The following MED16 variants were observed in gnomAD, a reference collection of about 807,000 sequenced individuals.
MED16 encodes mediator complex subunit 16, also known as mediator of RNA polymerase II transcription subunit 16.
MED16 carries 81 observed loss-of-function variants against 84.4 expected under a neutral mutation model. The observed-to-expected ratio is 0.96, with a 90% confidence interval of 0.80 to 1.15. MED16 has a LOEUF of 1.15. MED16 is among the 50% of genes most tolerant of loss of function. The pLI, the probability that MED16 is intolerant of heterozygous loss-of-function variation, is 0.00. For missense variants in MED16, 1,585 were observed against 1,245.9 expected, an observed-to-expected ratio of 1.27 and a Z score of -4.10; for synonymous variants, 897 against 552.2, an observed-to-expected ratio of 1.62 and a Z score of -8.76.
intron 13 of MED16, among the ~76,000 whole-genome samples, chr19:869,440 G>T (rs1324630166): frequency 1.3e-5 from 2 of 152,018 alleles, no homozygotes; most frequent in Non-Finnish European, 2.9e-5. Context: ...GGGTCTGGGT[G>T]GGGGTGGGCC....
rs540982672 is a variant in MED16 at position 868,857 on chromosome 19, C to T, written c.2399+6G>A. On this transcript the variant is annotated splice_donor_region_variant and intron_variant, in intron 14 of 15. Coordinates refer to ENST00000325464, the MANE Select transcript of MED16 (RefSeq NM_005481.3). ...CTGGGAGTCAGCGGTTCCGGGGGCCCCTCACCTGGTGCAGGCCTTGCATTC... is the reference window on the plus strand; with the variant it reads ...CTGGGAGTCAGCGGTTCCGGGGGCCTCTCACCTGGTGCAGGCCTTGCATTC... The T allele has an allele frequency of 6.5e-7, 1 of 1,546,976 alleles. No individual in the cohort carries two copies. Among genetic ancestry groups the T allele is most frequent in the South Asian group, 1.2e-5 (1 of 84,122 alleles).
Position 875,470 on chromosome 19 carries a change from C to T in MED16, c.1561-16G>A, listed in dbSNP as rs1362997724. The T allele has an allele frequency of 1.3e-6, 2 of 1,590,214 alleles. No individual in the cohort carries two copies. The highest frequency in any genetic ancestry group is 8.5e-7 in the Non-Finnish European group (1 of 1,175,280). On this transcript the variant is annotated splice_polypyrimidine_tract_variant and intron_variant, in intron 9 of 15. Coordinates refer to ENST00000325464, the MANE Select transcript of MED16 (RefSeq NM_005481.3). ...TGGAGAGGACCTGAGGGCAGGAAGC[C>T]AGGTCACCCCAAGGGGCCGGAGCAG...
chr19:874,226 G>A (rs2036174085), intron 10 of MED16, among the ~76,000 whole-genome samples: 2 of 152,066 alleles, frequency 1.3e-5, no homozygotes, highest in South Asian at 2.1e-4. Context: ...CCATTCTCCT[G>A]CCTCAGCCTC....
chr19:877,191 C>G lies in MED16; in HGVS notation c.1354-11G>C. On this transcript the variant is annotated splice_polypyrimidine_tract_variant and intron_variant, in intron 8 of 15. Transcript: ENST00000325464. ...GCGGAGCACGCTCAGCTGCCAGAGA[C>G]AGAGCCCAAGGAGAGCCCGGTGAGA... The G allele has an allele frequency of 1.9e-6, 3 of 1,602,630 alleles. No individual in the cohort carries two copies. Among genetic ancestry groups the G allele is most frequent in the Non-Finnish European group, 1.7e-6 (2 of 1,176,526 alleles).
At position 872,098 on chromosome 19, in the gene MED16, G is replaced by C; in HGVS notation, c.1926C>G (p.Gly642=). 1 of 1,606,830 alleles carries C rather than the reference G, an allele frequency of 6.2e-7. No individual in the cohort carries two copies. Among genetic ancestry groups the C allele is most frequent in the Non-Finnish European group, 8.5e-7 (1 of 1,176,642 alleles). Residue 642 remains glycine (G), a synonymous_variant, in exon 12 of 16, where the codon GGC becomes GGG. Coordinates refer to ENST00000325464, the MANE Select transcript of MED16 (RefSeq NM_005481.3). ...LPNQGSLLRP[G]HSFLRDGTSL... Reference sequence around the variant, plus strand: ...AGGTGCCGTCCCGCAGAAAGCTGTGGCCCGGCCTCAGCAGGGAACCCTGCC... The same window carrying C: ...AGGTGCCGTCCCGCAGAAAGCTGTGCCCCGGCCTCAGCAGGGAACCCTGCC...
At chr19:876,950 G>GCCCCCACCTGCCACAGGGC (rs768975720) in intron 9 of MED16, 24 bp downstream of exon 9, 3 of 1,511,720 alleles carry the variant, frequency 2.0e-6, no homozygotes, top group Admixed American at 3.7e-5. Flanking sequence ...CTGCCACGGG[G>GCCCCCACCTGCCACAGGGC]CCCCACCTGC....
intron 8 of MED16, among the ~76,000 whole-genome samples, chr19:879,724 C>G: frequency 6.6e-6 from 1 of 151,086 alleles, no homozygotes; most frequent in Non-Finnish European, 1.5e-5. Context: ...GTTGTCAATG[C>G]CCAGCAGCTC....
chr19:871,087 C>T lies in MED16; in HGVS notation c.2265G>A (p.Ala755=), dbSNP rs376802874. 3.6e-5 allele frequency: 55 copies of T among 1,547,928 alleles called. 1 individual carries two copies. Among genetic ancestry groups the T allele is most frequent in the African/African-American group, 8.2e-5 (6 of 73,112 alleles). The change falls in exon 13 of 16, where the codon GCG becomes GCA. Residue 755 remains alanine, a synonymous_variant. Transcript: ENST00000325464. ...KQPLRLQFGR[A]PTLPGSAATL... Reference sequence around the variant, plus strand: ...TGGCAGCACTGCCAGGCAGCGTGGGCGCCCGGCCAAACTGCAGACGAAGGG... The same window carrying T: ...TGGCAGCACTGCCAGGCAGCGTGGGTGCCCGGCCAAACTGCAGACGAAGGG...
intron 5 of MED16, among the ~76,000 whole-genome samples, chr19:885,455 G>T (rs114593583): frequency 1.5e-4 from 23 of 152,146 alleles, no homozygotes; most frequent in Admixed American, 7.2e-4. Context: ...GAGCACGTTG[G>T]GGGGGGTCCG....
At chr19:873,618 C>CCA (rs2036155518) in intron 10 of MED16, 36 bp from the exon 11 acceptor site, 2 of 1,608,486 alleles carry the variant, frequency 1.2e-6, no homozygotes, top group Non-Finnish European at 1.7e-6. Flanking sequence ...GCTCGGGCCT[C>CCA]TTGTACACAC....
At chr19:876,726 C>G (rs2036240339) in intron 9 of MED16, among the ~76,000 whole-genome samples, 1 of 152,114 alleles carries the variant, frequency 6.6e-6, no homozygotes, top group South Asian at 2.1e-4. Context: ...CTGCCACAAC[C>G]CCCACATCTG....
rs1476624247 is a variant in MED16, at chr19:891,036, C to T, written c.96G>A (p.Ser32=). Reference sequence around the variant, plus strand: ...AGGACCAGGCGCAGGCCAGGGGCACCGATGGGCAGTGGGTGCTCTTGGACC... The same window carrying T: ...AGGACCAGGCGCAGGCCAGGGGCACTGATGGGCAGTGGGTGCTCTTGGACC... ...EKWSKSTHCP[S]VPLACAWSCR... Residue 32 remains serine (S), a synonymous_variant, in exon 2 of 16, where the codon TCG becomes TCA. Coordinates refer to ENST00000325464, the MANE Select transcript of MED16 (RefSeq NM_005481.3). 6.2e-6 allele frequency: 10 copies of T among 1,613,966 alleles called. No homozygotes were observed. Among genetic ancestry groups the T allele is most frequent in the African/African-American group, 2.7e-5 (2 of 74,944 alleles).
At chr19:883,801 G>A (rs2036469931) in intron 6 of MED16, among the ~76,000 whole-genome samples, 1 of 152,122 alleles carries the variant, frequency 6.6e-6, no homozygotes, top group African/African-American at 2.4e-5. Context: ...GCAGGAGCCA[G>A]CGCAGCCCAA....
At chr19:870,415 C>T (rs2036018650) in intron 13 of MED16, among the ~76,000 whole-genome samples, 1 of 151,822 alleles carries the variant, frequency 6.6e-6, no homozygotes, top group Non-Finnish European at 1.5e-5. Flanking sequence ...ACAAAAAATA[C>T]CTAGGTGTGG....
intron 1 of MED16, chr19:892,319 A>C (rs532551977): frequency 2.2e-4 from 32 of 148,726 alleles, no homozygotes; most frequent in Non-Finnish European, 3.8e-4. Context: ...CCCACACTTC[A>C]TTTCACCCCT....
intron 14 of MED16, 27 bp downstream of exon 14, chr19:868,836 G>T: frequency 4.5e-6 from 7 of 1,542,332 alleles, no homozygotes; most frequent in Non-Finnish European, 6.1e-6. Flanking sequence ...ACATCTCTGG[G>T]AGTCAGCGGT....
rs1437272143 is a variant in MED16, at chr19:868,244, C to G, written c.2491G>C (p.Glu831Gln). Residue 831 changes from glutamate (E) to glutamine (Q), a missense_variant, in exon 16 of 16, where the codon GAA becomes CAA. Physicochemically the swap from Glu to Gln is conservative, Grantham distance 29. Transcript: ENST00000325464. Reference sequence around the variant, plus strand: ...ACGCAGGCGTCCGGCCCACGGCCTTCAACAGCCCTGCAGGGCGGGCTGAGG... The same window carrying G: ...ACGCAGGCGTCCGGCCCACGGCCTTGAACAGCCCTGCAGGGCGGGCTGAGG... ...QRWIKNCLAVEGRGPDACVTS... is the reference protein window; with the variant it reads ...QRWIKNCLAVQGRGPDACVTS... 6.3e-7 allele frequency: 1 copy of G among 1,595,604 alleles called. No homozygotes were observed. Among genetic ancestry groups the G allele is most frequent in the Admixed American group, 1.8e-5 (1 of 56,740 alleles).
At position 868,953 on chromosome 19, in the gene MED16, G is replaced by A; in HGVS notation, c.2316-7C>T. 2.0e-6 allele frequency: 3 copies of A among 1,533,744 alleles called. No individual in the cohort carries two copies. The highest frequency in any genetic ancestry group is 2.6e-6 in the Non-Finnish European group (3 of 1,147,482). ...CTTGGGCTGGCCTGGGGCCCTGGCG[G>A]GAGAGGGGAGAACGTGAGGGAGGCC... On this transcript the variant is annotated splice_polypyrimidine_tract_variant and splice_region_variant and intron_variant, in intron 13 of 15. Coordinates refer to ENST00000325464, the MANE Select transcript of MED16 (RefSeq NM_005481.3).
chr19:884,625 G>C lies in MED16; in HGVS notation c.985+278C>G, dbSNP rs541114387. On this transcript the variant is annotated intron_variant, in intron 6 of 15. Transcript: ENST00000325464. ...CCCTCACGGTGTCCCCGCTGGCTGAGCAACGACACCTCTCAGCCTCGGCCT... is the reference window on the plus strand; with the variant it reads ...CCCTCACGGTGTCCCCGCTGGCTGACCAACGACACCTCTCAGCCTCGGCCT... Among the ~76,000 whole-genome samples, 48 of 152,328 alleles carry C rather than the reference G, an allele frequency of 3.2e-4. 1 individual carries two copies. Among genetic ancestry groups the C allele is most frequent in the Admixed American group, 3.1e-3 (48 of 15,290 alleles).
Sources: allele counts gnomAD v4.1 joint callset (sites outside exome capture counted in the v4.1 genomes callset), GRCh38; gene constraint gnomAD v4.1.1; transcripts MANE v1.5; gene names NCBI Gene and HGNC (gene_info 2026-07-23, HGNC 2026-07-21).